Variants in GRIP1 observed in about 807,000 individuals in gnomAD.
The protein encoded by GRIP1 is glutamate receptor interacting protein 1.
A neutral mutation model predicts 129.9 loss-of-function variants in GRIP1; 45 were observed. The ratio of observed to expected loss-of-function variants is 0.35; its 90% CI spans 0.27 to 0.44. GRIP1 has a LOEUF of 0.44. Ranked by LOEUF, GRIP1 falls within the 20% of genes least tolerant of loss-of-function variation. GRIP1 has a pLI of 1.00. For missense variants in GRIP1, 1,196 were observed against 1,396.8 expected (o/e 0.86, Z 2.29); for synonymous variants, 530 against 520.8 (o/e 1.02, Z -0.24).
chr12:66,666,721 AT>A (rs1258688850), intron 1 of GRIP1, among the ~76,000 whole-genome samples: 5 of 151,874 alleles, frequency 3.3e-5, no homozygotes, highest in African/African-American at 1.2e-4. Flanking sequence ...TTCTATATAC[AT>A]TTTTGCTTAA....
In GRIP1 at chr12:66,445,382, G is replaced by A; in HGVS notation, c.1481C>T (p.Thr494Ile). 2 of 1,614,182 alleles carry A rather than the reference G, an allele frequency of 1.2e-6. No homozygotes were observed. Among genetic ancestry groups the A allele is most frequent in the African/African-American group, 2.7e-5 (2 of 75,066 alleles). Residue 494 changes from threonine to isoleucine, a missense_variant, in exon 12 of 25, where the codon ACA becomes ATA. Thr to Ile is a moderately conservative substitution (Grantham distance 89, BLOSUM62 -1). Around this residue, in one of 5 missense-constraint regions of GRIP1, gnomAD observed 508 missense variants for 587.0 expected, o/e 0.87. Coordinates refer to ENST00000359742, the MANE Select transcript of GRIP1 (RefSeq NM_001366722.1). ...GIQLQGSVFA[T>I]ETLSSPPLIS... Reference sequence around the variant, plus strand: ...CAGAGGTGGAGAAGAGAGAGTTTCTGTGGCAAACACACTGCCCTGCAGTTG... The same window carrying A: ...CAGAGGTGGAGAAGAGAGAGTTTCTATGGCAAACACACTGCCCTGCAGTTG...
intron 1 of GRIP1, among the ~76,000 whole-genome samples, chr12:66,612,666 AAATTT>A (rs1207593554): frequency 3.3e-5 from 5 of 152,120 alleles, no homozygotes; most frequent in African/African-American, 7.2e-5. Flanking sequence ...AAAATAAAAA[AAATTT>A]AAATATCTAA....
chr12:66,723,472 C>T (rs904842727), intron 1 of GRIP1, among the ~76,000 whole-genome samples: 4 of 151,654 alleles, frequency 2.6e-5, no homozygotes, highest in Non-Finnish European at 4.4e-5. Flanking sequence ...GCCACCATGC[C>T]CAACTAATCT....
chr12:66,730,433 G>A (rs1053791202), intron 1 of GRIP1, among the ~76,000 whole-genome samples: 1 of 152,010 alleles, frequency 6.6e-6, no homozygotes, highest in Non-Finnish European at 1.5e-5. Context: ...AACAATGGTT[G>A]AAAAATGCAT....
At chr12:66,872,940 G>T (rs533334219) in intron 1 of GRIP1, among the ~76,000 whole-genome samples, 20 of 152,154 alleles carry the variant, frequency 1.3e-4, no homozygotes, top group Admixed American at 5.9e-4. Context: ...ACTTCATCAG[G>T]GAAGAATTGA....
intron 5 of GRIP1, 120 bp from the exon 6 acceptor site, chr12:66,518,096 T>A (rs2060898841): frequency 1.3e-6 from 1 of 743,194 alleles, no homozygotes; most frequent in African/African-American, 1.7e-5. Context: ...ATATGTAAAA[T>A]TTTCCTTGAG....
chr12:66,824,528 C>T (rs1010296286), intron 1 of GRIP1, among the ~76,000 whole-genome samples: 3 of 152,170 alleles, frequency 2.0e-5, no homozygotes, highest in Admixed American at 2.0e-4. Flanking sequence ...ACACCACCTC[C>T]CTCCCCACCA....
At chr12:66,815,592 C>G (rs2039191530) in intron 1 of GRIP1, among the ~76,000 whole-genome samples, 2 of 152,060 alleles carry the variant, frequency 1.3e-5, no homozygotes, top group South Asian at 4.1e-4. Context: ...GAGACCCCAT[C>G]TCTACAAAAA....
intron 1 of GRIP1, among the ~76,000 whole-genome samples, chr12:66,979,791 A>T (rs557454325): frequency 8.9e-4 from 136 of 152,290 alleles, no homozygotes; most frequent in African/African-American, 3.1e-3. Context: ...CCATGTGATG[A>T]GAGGCAGAAA....
chr12:66,809,642 A>G (rs1485152088), intron 1 of GRIP1, among the ~76,000 whole-genome samples: 1 of 152,000 alleles, frequency 6.6e-6, no homozygotes, highest in East Asian at 1.9e-4. Context: ...TCATGAGCAC[A>G]TAATTTAAAC....
At chr12:66,605,325 A>G (rs1197601818) in intron 1 of GRIP1, among the ~76,000 whole-genome samples, 1 of 152,110 alleles carries the variant, frequency 6.6e-6, no homozygotes, top group Admixed American at 6.5e-5. Flanking sequence ...AACCGTAGAG[A>G]AAAAGAGGGA....
intron 1 of GRIP1, among the ~76,000 whole-genome samples, chr12:66,750,493 C>T (rs1386051733): frequency 6.6e-6 from 1 of 152,162 alleles, no homozygotes; most frequent in African/African-American, 2.4e-5. Context: ...AAGCCCCTGG[C>T]TACTTTAGTC....
At chr12:66,455,378 G>C in intron 11 of GRIP1, 31 bp downstream of exon 11, 1 of 1,609,808 alleles carries the variant, frequency 6.2e-7, no homozygotes, top group Non-Finnish European at 8.5e-7. Context: ...TTTTTTCCAG[G>C]CCAAATGCCA....
Position 66,645,884 on chromosome 12 carries a change from G to A in GRIP1, c.55+32966C>T, listed in dbSNP as rs568696114. The stretch of plus-strand genomic sequence containing the variant: ...TTGTATCAATATCAGGAGGCTCATA[G>A]TTTAAGTGAAAATCATCAATGTAAG... On this transcript the variant is annotated intron_variant, in intron 1 of 24. Transcript: ENST00000359742. Among the ~76,000 whole-genome samples, 39 of 152,328 alleles carry A rather than the reference G, an allele frequency of 2.6e-4. No individual in the cohort carries two copies. The East Asian group carries it at 6.8e-3, about 26-fold the overall frequency.
chr12:66,640,508 G>A (rs988345183), intron 1 of GRIP1, among the ~76,000 whole-genome samples: 4 of 152,220 alleles, frequency 2.6e-5, no homozygotes, highest in Middle Eastern at 3.4e-3. Context: ...AGACTCAAAC[G>A]ATGTCTCTCG....
intron 1 of GRIP1, among the ~76,000 whole-genome samples, chr12:67,015,151 C>T (rs1354004703): frequency 3.3e-5 from 5 of 152,102 alleles, no homozygotes; most frequent in Non-Finnish European, 5.9e-5. Flanking sequence ...TGCACATACA[C>T]ATCAGAAATT....
At chr12:66,740,647 C>T (rs1352205684) in intron 1 of GRIP1, among the ~76,000 whole-genome samples, 1 of 152,166 alleles carries the variant, frequency 6.6e-6, no homozygotes, top group African/African-American at 2.4e-5. Context: ...TATTTAGAAT[C>T]AAACTTACAT....
intron 14 of GRIP1, among the ~76,000 whole-genome samples, chr12:66,421,096 A>C (rs554023592): frequency 2.6e-5 from 4 of 152,358 alleles, no homozygotes; most frequent in African/African-American, 9.6e-5. Flanking sequence ...AAGGGTGGGT[A>C]TCTCAGTTGG....
At chr12:67,054,366 C>A (rs1476243989) in intron 1 of GRIP1, among the ~76,000 whole-genome samples, 1 of 152,160 alleles carries the variant, frequency 6.6e-6, no homozygotes, top group Non-Finnish European at 1.5e-5. Context: ...AAAATTCCTG[C>A]TTTCAAGTGG....
Sources: allele counts gnomAD v4.1 joint callset (sites outside exome capture counted in the v4.1 genomes callset), GRCh38; gene constraint gnomAD v4.1.1; regional missense constraint gnomAD v4.1.1; transcripts MANE v1.5; gene names NCBI Gene and HGNC (gene_info 2026-07-23, HGNC 2026-07-21).